Variants in QRICH1 observed in about 807,000 individuals in gnomAD.
QRICH1 encodes the protein transcriptional regulator QRICH1.
A neutral mutation model predicts 87.1 loss-of-function variants in QRICH1; 16 were observed. The ratio of observed to expected loss-of-function variants is 0.18; its 90% CI spans 0.12 to 0.28. The LOEUF is 0.28. QRICH1 is among the 10% of genes least tolerant of loss of function. The probability of loss-of-function intolerance (pLI) is 1.00; values close to 1 mark genes in which losing one functional copy is unlikely to be tolerated. For synonymous variants in QRICH1, 367 were observed against 368.4 expected (o/e 1.00, Z 0.05); for missense variants, 647 against 951.7 (o/e 0.68, Z 4.21).
chr3:49,050,206 G>A (rs1369421343), intron 3 of QRICH1, among the ~76,000 whole-genome samples: 3 of 134,742 alleles, frequency 2.2e-5, no homozygotes, highest in Non-Finnish European at 4.6e-5. Flanking sequence ...CCAAGATTGT[G>A]CCACTGCAAT....
intron 1 of QRICH1, among the ~76,000 whole-genome samples, chr3:49,088,024 T>C (rs2042203002): frequency 6.6e-6 from 1 of 151,046 alleles, no homozygotes; most frequent in Admixed American, 6.6e-5. Flanking sequence ...CAATCTCGGC[T>C]CACTGCAAGC....
chr3:49,057,201 G>A lies in QRICH1; in HGVS notation c.999C>T (p.Pro333=), dbSNP rs780361313. ...QQQSITHIAI[P]QEAYNAVHVS... ...CGTGAACTGCGTTGTAGGCTTCCTG[G>A]GGAATGGCAATGTGGGTAATGCTCT... The change falls in exon 3 of 10, where the codon CCC becomes CCT. Residue 333 remains proline (P), a synonymous_variant. Coordinates refer to ENST00000395443, the MANE Select transcript of QRICH1 (RefSeq NM_198880.3). This position sits in a 1 kb window ranked among gnomAD's most constrained non-coding sequence, Gnocchi z 5.4. The A allele has an allele frequency of 7.4e-6, 12 of 1,614,086 alleles. No homozygotes were observed. The highest frequency in any genetic ancestry group is 1.3e-5 in the African/African-American group (1 of 74,928).
intron 2 of QRICH1, among the ~76,000 whole-genome samples, chr3:49,063,739 T>C (rs766291130): frequency 1.2e-4 from 18 of 152,144 alleles, no homozygotes; most frequent in Non-Finnish European, 2.4e-4. Context: ...CAGTGAACTA[T>C]GAACGGCACG....
intron 2 of QRICH1, among the ~76,000 whole-genome samples, chr3:49,060,763 T>C (rs1393912730): frequency 6.6e-6 from 1 of 152,148 alleles, no homozygotes; most frequent in Non-Finnish European, 1.5e-5. Flanking sequence ...ATGGTGGCAT[T>C]AGACTCTTGT....
Position 49,076,958 on chromosome 3 carries a change from C to T in QRICH1, c.60G>A (p.Arg20=), listed in dbSNP as rs141569971. ...SFEEYIRVKA[R]SVPQHRMKEF... is the part of the protein sequence containing the mutation. ...CCTTCATCCTGTGTTGCGGGACAGACCGTGCCTTTACTCGGATGTACTCTT... is the reference window on the plus strand; with the variant it reads ...CCTTCATCCTGTGTTGCGGGACAGATCGTGCCTTTACTCGGATGTACTCTT... Residue 20 remains arginine, a synonymous_variant, in exon 2 of 10, where the codon CGG becomes CGA. Transcript: ENST00000395443. 2.8e-4 allele frequency: 439 copies of T among 1,594,610 alleles called. No homozygotes were observed. The highest frequency in any genetic ancestry group is 5.7e-4 in the Admixed American group (33 of 57,964).
At chr3:49,089,554 G>A (rs2042233351) in intron 1 of QRICH1, among the ~76,000 whole-genome samples, 1 of 152,092 alleles carries the variant, frequency 6.6e-6, no homozygotes, top group Non-Finnish European at 1.5e-5. Context: ...AATGTTCACA[G>A]CAGCATTGTT....
intron 3 of QRICH1, among the ~76,000 whole-genome samples, chr3:49,050,002 C>G (rs1253090941): frequency 6.7e-6 from 1 of 150,174 alleles, no homozygotes; most frequent in African/African-American, 2.5e-5. Flanking sequence ...GAGTTGGAGA[C>G]CAGCCTGGCC....
intron 3 of QRICH1, among the ~76,000 whole-genome samples, chr3:49,052,856 C>T (rs2093379206): frequency 6.6e-6 from 1 of 152,150 alleles, no homozygotes; most frequent in Non-Finnish European, 1.5e-5. Flanking sequence ...TCTCTCTGTG[C>T]CTGAGTTTCC....
chr3:49,051,598 CCGCTT>C (rs1553742548), intron 3 of QRICH1, among the ~76,000 whole-genome samples: 1 of 136,664 alleles, frequency 7.3e-6, no homozygotes, highest in Non-Finnish European at 1.6e-5. Context: ...CCCCCCCCCT[CCGCTT>C]AATATACCTA....
intron 9 of QRICH1, 57 bp from the exon 10 acceptor site, chr3:49,030,701 C>G (rs745348644): frequency 1.0e-5 from 14 of 1,399,150 alleles, no homozygotes; most frequent in Admixed American, 2.4e-5. Flanking sequence ...ACCCTCCCAC[C>G]CTGAACTTCC....
In QRICH1 at chr3:49,077,057, C is replaced by G; in HGVS notation, c.-21-19G>C. ...AGGGTTCCTAGAAATAAACAGAAGT[C>G]AAAATTATGTTACTGTTTTTAGCAG... On this transcript the variant is annotated intron_variant, in intron 1 of 9. Transcript: ENST00000395443. 1 of 1,322,152 alleles carries G rather than the reference C, an allele frequency of 7.6e-7. No individual in the cohort carries two copies. Among genetic ancestry groups the G allele is most frequent in the Non-Finnish European group, 1.0e-6 (1 of 1,000,716 alleles). The allele number at this position is 1,322,152 out of a possible 1,614,324, so 81.9% of individuals were successfully genotyped here. A position where few individuals can be genotyped will look rare whatever the true frequency, so the allele number is the denominator to read the frequency against.
At chr3:49,039,756 A>G (rs2093299162) in intron 6 of QRICH1, among the ~76,000 whole-genome samples, 2 of 151,590 alleles carry the variant, frequency 1.3e-5, no homozygotes, top group African/African-American at 4.9e-5. Context: ...AAAAACAAAC[A>G]AAAAGGAATT....
rs201278577 is a variant in QRICH1 at position 49,064,614 on chromosome 3, C to T, written c.310-6724G>A. On this transcript the variant is annotated intron_variant, in intron 2 of 9. Coordinates refer to ENST00000395443, the MANE Select transcript of QRICH1 (RefSeq NM_198880.3). ...GGCGCAGTGGCTCACACCTGTAATC[C>T]CAGCACTTTGGGAGGCCAAGGTGGG... Among the ~76,000 whole-genome samples, 4 of 152,162 alleles carry T rather than the reference C, an allele frequency of 2.6e-5. No individual in the cohort carries two copies. The East Asian group carries it at 7.8e-4, about 30-fold the overall frequency.
intron 3 of QRICH1, among the ~76,000 whole-genome samples, chr3:49,055,677 GT>G (rs1290954233): frequency 6.6e-6 from 1 of 150,718 alleles, no homozygotes; most frequent in Non-Finnish European, 1.5e-5. Flanking sequence ...TAGTTTTTTT[GT>G]TTGTTTGTTT....
At chr3:49,077,797 CATAG>C (rs999428205) in intron 1 of QRICH1, among the ~76,000 whole-genome samples, 3 of 152,126 alleles carry the variant, frequency 2.0e-5, no homozygotes, top group Non-Finnish European at 2.9e-5. Context: ...TCATCTAGCA[CATAG>C]ATAGCACTAC....
intron 2 of QRICH1, among the ~76,000 whole-genome samples, chr3:49,072,939 G>A (rs975200747): frequency 2.0e-5 from 3 of 152,042 alleles, no homozygotes; most frequent in Non-Finnish European, 4.4e-5. Context: ...CTACTCGGGA[G>A]GCTGAGGTGA....
Position 49,047,119 on chromosome 3 carries a change from T to G in QRICH1, c.1466A>C (p.Lys489Thr). 1 of 1,614,210 alleles carries G rather than the reference T, an allele frequency of 6.2e-7. No individual in the cohort carries two copies. The highest frequency in any genetic ancestry group is 8.5e-7 in the Non-Finnish European group (1 of 1,180,046). ...AGCATCCTTCTCTAGTTCAGCATTC[T>G]TGGTCTGGGCCCAGTTTTTCCATAC... ...LEVWKNWAQT[K>T]NAELEKDAQN... is the part of the protein sequence containing the mutation. The change falls in exon 4 of 10, where the codon AAG becomes ACG. Residue 489 changes from lysine to threonine, a missense_variant. Physicochemically the swap from Lys to Thr is moderately conservative, Grantham distance 78. Transcript: ENST00000395443.
chr3:49,059,062 C>T (rs1457722238), intron 2 of QRICH1, among the ~76,000 whole-genome samples: 1 of 149,870 alleles, frequency 6.7e-6, no homozygotes, highest in African/African-American at 2.5e-5. Context: ...CCCGGGTTCA[C>T]GCCATTCTCC....
At chr3:49,051,424 C>T (rs528768659) in intron 3 of QRICH1, among the ~76,000 whole-genome samples, 2 of 152,192 alleles carry the variant, frequency 1.3e-5, no homozygotes, top group South Asian at 2.1e-4. Flanking sequence ...TTTTTCTCTG[C>T]CAGGCCCTTA....
Sources: gnomAD v4.1 joint callset for allele counts (sites outside exome capture counted in the v4.1 genomes callset) on GRCh38, gnomAD v4.1.1 for gene constraint, Gnocchi (gnomAD v3.1) non-coding constraint, MANE v1.5 for transcripts, NCBI Gene and HGNC (gene_info 2026-07-23, HGNC 2026-07-21) for gene names.